The following TMEM91 variants were observed in gnomAD, a reference collection of about 807,000 sequenced individuals.
The protein encoded by TMEM91 is dispanin subfamily C member 3.
A neutral mutation model predicts 13.3 loss-of-function variants in TMEM91; 6 were observed. That is an observed-to-expected ratio of 0.45 (90% CI 0.25 to 0.89). The LOEUF (loss-of-function observed/expected upper bound fraction) is 0.89. Ranked by LOEUF, TMEM91 falls within the 40% of genes least tolerant of loss-of-function variation. TMEM91 has a pLI of 0.19. For missense variants in TMEM91, 193 were observed against 228.7 expected, an observed-to-expected ratio of 0.84 and a Z score of 1.01; for synonymous variants, 87 against 101.7, an observed-to-expected ratio of 0.86 and a Z score of 0.87.
chr19:41,366,052 C>CTTTTTTTTTTTTTTTTTTTTTTTTTCTT (rs11375696), intron 1 of TMEM91, among the ~76,000 whole-genome samples: 1 of 105,840 alleles, frequency 9.4e-6, no homozygotes, highest in Non-Finnish European at 1.8e-5. Context: ...TATTTATTTA[C>CTTTTTTTTTTTTTTTTTTTTTTTTTCTT]TTTTTTTTTT....
chr19:41,383,035 G>C (rs1461579059), intron 3 of TMEM91, 114 bp downstream of exon 3: 2 of 1,455,740 alleles, frequency 1.4e-6, no homozygotes, highest in East Asian at 4.6e-5. Flanking sequence ...CAGAGAACCT[G>C]AACTCAAATC....
At chr19:41,366,182 AT>A (rs1170483957) in intron 1 of TMEM91, among the ~76,000 whole-genome samples, 7 of 147,844 alleles carry the variant, frequency 4.7e-5, no homozygotes, top group Non-Finnish European at 8.9e-5. Flanking sequence ...GGGAAAATGT[AT>A]TTATTTATTT....
At chr19:41,378,072 C>G (rs1025386765) in intron 1 of TMEM91, among the ~76,000 whole-genome samples, 4 of 150,224 alleles carry the variant, frequency 2.7e-5, no homozygotes, top group Middle Eastern at 3.5e-3. Context: ...GAGAGAAATG[C>G]CCAAAATTGA....
At chr19:41,376,492 C>T (rs1324633225), upstream of TMEM91, 1 of 152,288 alleles carries the variant, frequency 6.6e-6, no homozygotes, top group Admixed American at 6.5e-5. Flanking sequence ...GGGGCCAAGC[C>T]AGGAAGGCCC....
At chr19:41,366,777 G>A (rs1315103399) in intron 1 of TMEM91, among the ~76,000 whole-genome samples, 1 of 152,062 alleles carries the variant, frequency 6.6e-6, no homozygotes, top group African/African-American at 2.4e-5. Context: ...CATTCTGAAG[G>A]CTCCCATGTA....
upstream of TMEM91, among the ~76,000 whole-genome samples, chr19:41,372,438 T>TCTGGGATTACAGGCATGGGATTACAGTG (rs1324389651): frequency 3.9e-5 from 6 of 152,138 alleles, no homozygotes; most frequent in East Asian, 7.7e-4. Context: ...TGCTTCAGCC[T>TCTGGGATTACAGGCATGGGATTACAGTG]CTGGGATTAC....
chr19:41,367,694 C>T (rs556055930), intron 1 of TMEM91, among the ~76,000 whole-genome samples: 2 of 152,302 alleles, frequency 1.3e-5, no homozygotes, highest in African/African-American at 4.8e-5. Context: ...AGTGCAGTGG[C>T]ACAATCACAG....
At position 41,383,520 on chromosome 19, in the gene TMEM91, TA is replaced by T. The variant is rs371273511; in HGVS notation, c.361-194del. ...TTTATTTTTTAAAATTTATTATTATTATTATTTTTTACCATTTTAATGTTTT... is the reference window on the plus strand; with the variant it reads ...TTTATTTTTTAAAATTTATTATTATTTTATTTTTTACCATTTTAATGTTTT... On this transcript the variant is annotated intron_variant, in intron 3 of 3. Transcript: ENST00000392002. 1.2e-3 allele frequency: 1,723 copies of T among 1,464,796 alleles called. 23 individuals carry two copies. The African/African-American group carries it at 0.021, about 18-fold the overall frequency. The allele number at this position is 1,464,796 out of a possible 1,614,324, so 90.7% of individuals were successfully genotyped here.
chr19:41,379,976 C>A (rs2038840596), intron 2 of TMEM91, among the ~76,000 whole-genome samples: 1 of 150,096 alleles, frequency 6.7e-6, no homozygotes, highest in Non-Finnish European at 1.5e-5. Context: ...CTCACTGCAA[C>A]CTCCGCCTCC....
chr19:41,371,363 T>TTCCTTCCTTCCTTCCC, intron 1 of TMEM91, among the ~76,000 whole-genome samples: 1 of 147,062 alleles, frequency 6.8e-6, no homozygotes, highest in African/African-American at 2.6e-5. Context: ...CCTTCCTTCC[T>TTCCTTCCTTCCTTCCC]TCCTTCTTTC....
intron 1 of TMEM91, chr19:41,364,125 C>T (rs531746901): frequency 1.8e-4 from 29 of 163,546 alleles, no homozygotes; most frequent in Non-Finnish European, 2.9e-4. Flanking sequence ...CGACCGCGCT[C>T]GTCTTGGTTT....
At chr19:41,371,710 AC>A (rs2123168963), upstream of TMEM91, among the ~76,000 whole-genome samples, 1 of 151,918 alleles carries the variant, frequency 6.6e-6, no homozygotes, top group East Asian at 1.9e-4. Flanking sequence ...GAGCCACTGC[AC>A]CCGGCCACTA....
chr19:41,370,393 T>TTTTATTTA (rs60423207), intron 1 of TMEM91, among the ~76,000 whole-genome samples: 4,968 of 142,990 alleles, frequency 0.035, 164 homozygotes, highest in African/African-American at 0.073. Flanking sequence ...TTTATTTTTA[T>TTTTATTTA]TTTATTTATT....
intron 2 of TMEM91, among the ~76,000 whole-genome samples, chr19:41,380,009 C>T (rs1599931062): frequency 1.3e-5 from 2 of 151,584 alleles, no homozygotes; most frequent in Admixed American, 1.3e-4. Flanking sequence ...AATTCCCCTG[C>T]CTCAGCCTCC....
intron 2 of TMEM91, among the ~76,000 whole-genome samples, chr19:41,381,580 G>A (rs867526513): frequency 3.9e-5 from 6 of 152,142 alleles, no homozygotes; most frequent in Admixed American, 3.3e-4. Flanking sequence ...TAGCCAGGAC[G>A]GTCTCGATCT....
upstream of TMEM91, among the ~76,000 whole-genome samples, chr19:41,375,606 A>G (rs1426149193): frequency 6.6e-6 from 1 of 151,146 alleles, no homozygotes; most frequent in Admixed American, 6.6e-5. Context: ...TCTGCAAAAC[A>G]GGGATTAAAA....
intron 1 of TMEM91, among the ~76,000 whole-genome samples, chr19:41,377,495 A>G (rs1465088844): frequency 6.7e-6 from 1 of 149,978 alleles, no homozygotes; most frequent in Non-Finnish European, 1.5e-5. Context: ...GAGGATGGGG[A>G]ATGTAGACTA....
chr19:41,372,756 T>C (rs2038644327), upstream of TMEM91, among the ~76,000 whole-genome samples: 1 of 152,100 alleles, frequency 6.6e-6, no homozygotes, highest in South Asian at 2.1e-4. Flanking sequence ...TATCATCTGG[T>C]TAACGTGATG....
upstream of TMEM91, among the ~76,000 whole-genome samples, chr19:41,373,108 T>C (rs2123171703): frequency 6.6e-6 from 1 of 152,232 alleles, no homozygotes; most frequent in South Asian, 2.1e-4. Context: ...CCAGCTGATT[T>C]TGTTTATTTT....
Sources: allele counts gnomAD v4.1 joint callset (sites outside exome capture counted in the v4.1 genomes callset), GRCh38; gene constraint gnomAD v4.1.1; transcripts MANE v1.5; gene names NCBI Gene and HGNC (gene_info 2026-07-23, HGNC 2026-07-21).